KIAA1217: variants seen among roughly 807,000 people sequenced by gnomAD.
KIAA1217 encodes the protein KIAA1217.
A neutral mutation model predicts 163.9 loss-of-function variants in KIAA1217; 88 were observed. The observed-to-expected ratio is 0.54, with a 90% CI of 0.45 to 0.64. KIAA1217 has a LOEUF of 0.64. Ranked by LOEUF, KIAA1217 falls within the 30% of genes least tolerant of loss-of-function variation. The pLI is 0.00. For missense variants in KIAA1217, 2,372 were observed against 2,475.0 expected, an observed-to-expected ratio of 0.96 and a Z score of 0.88; for synonymous variants, 903 against 923.1, an observed-to-expected ratio of 0.98 and a Z score of 0.39.
intron 1 of KIAA1217, among the ~76,000 whole-genome samples, chr10:23,999,328 T>C (rs1231860038): frequency 6.6e-6 from 1 of 152,142 alleles, no homozygotes; most frequent in Non-Finnish European, 1.5e-5. Context: ...ACTCACTGAC[T>C]CTTGAGTAGC....
chr10:23,922,730 C>T (rs180721960), intron 1 of KIAA1217, among the ~76,000 whole-genome samples: 1 of 152,178 alleles, frequency 6.6e-6, no homozygotes, highest in African/African-American at 2.4e-5. Flanking sequence ...GAGTGGAGAA[C>T]ATTAGAATTC....
rs866451330 is a variant in KIAA1217, at chr10:23,928,970, C to T, written c.-320-78255C>T. Among the ~76,000 whole-genome samples, 8 of 152,050 alleles carry T rather than the reference C, an allele frequency of 5.3e-5. 1 individual carries two copies. The highest frequency in any genetic ancestry group is 2.0e-4 in the Admixed American group (3 of 15,260). ...GTCAACTATGCAAAGGTCTAGACAA[C>T]GAACTGTAAGGGCAGAGGTTCCAGC... On this transcript the variant is annotated intron_variant, in intron 1 of 18. Transcript: ENST00000376462.
chr10:23,726,687 G>T (rs1164840235), intron 1 of KIAA1217, among the ~76,000 whole-genome samples: 3 of 151,918 alleles, frequency 2.0e-5, no homozygotes, highest in African/African-American at 7.2e-5. Flanking sequence ...AATCTACAAA[G>T]AACTCAAATT....
chr10:23,874,890 C>A (rs1486633411), intron 1 of KIAA1217, among the ~76,000 whole-genome samples: 1 of 151,930 alleles, frequency 6.6e-6, no homozygotes, highest in Non-Finnish European at 1.5e-5. Flanking sequence ...GTTTATTTTG[C>A]AGTTTGTCAG....
At chr10:23,969,591 C>A (rs1465577261) in intron 1 of KIAA1217, among the ~76,000 whole-genome samples, 1 of 152,066 alleles carries the variant, frequency 6.6e-6, no homozygotes, top group Admixed American at 6.5e-5. Context: ...TTTGGAGAAA[C>A]GTCTATTCAG....
Position 23,704,204 on chromosome 10 carries a change from A to G in KIAA1217, c.-321+8970A>G, listed in dbSNP as rs1398616804. On this transcript the variant is annotated intron_variant, in intron 1 of 18. Transcript: ENST00000376462. ...TATATATATATATATATATATATAT[A>G]TATATATAGTGAGCTCAGTGGTAAA... 3.4e-4 allele frequency among the ~76,000 whole-genome samples: 44 copies of G among 128,964 alleles called. 2 individuals carry two copies. The highest frequency in any genetic ancestry group is 9.8e-5 in the Non-Finnish European group (6 of 61,378). 84.6% of individuals were successfully genotyped at this position (128,964 alleles called of 152,430 possible). A position where few individuals can be genotyped will look rare whatever the true frequency, so the allele number is the denominator to read the frequency against.
chr10:24,087,731 G>A (rs1039082907), intron 2 of KIAA1217, among the ~76,000 whole-genome samples: 1 of 152,212 alleles, frequency 6.6e-6, no homozygotes, highest in East Asian at 1.9e-4. Flanking sequence ...GCATATGACT[G>A]CAATGAGATG....
At chr10:23,908,264 A>G (rs1213722696) in intron 1 of KIAA1217, among the ~76,000 whole-genome samples, 1 of 151,674 alleles carries the variant, frequency 6.6e-6, no homozygotes, top group Non-Finnish European at 1.5e-5. Flanking sequence ...TGGATGGAAG[A>G]GTCTATGGAT....
chr10:23,789,983 A>C (rs1052277195), intron 1 of KIAA1217, among the ~76,000 whole-genome samples: 1 of 128,690 alleles, frequency 7.8e-6, no homozygotes, highest in African/African-American at 3.3e-5. Context: ...ACATATATAC[A>C]CATATACATA....
At chr10:24,148,555 C>T (rs1029100332) in intron 2 of KIAA1217, among the ~76,000 whole-genome samples, 2 of 152,020 alleles carry the variant, frequency 1.3e-5, no homozygotes, top group East Asian at 1.9e-4. Context: ...TGTAAGTTCC[C>T]GCAAGAGTTG....
chr10:24,383,823 C>A (rs1349047126), intron 3 of KIAA1217, among the ~76,000 whole-genome samples: 1 of 152,210 alleles, frequency 6.6e-6, no homozygotes, highest in Non-Finnish European at 1.5e-5. Context: ...AATGTCCCCC[C>A]AGCCGCACCT....
At chr10:24,514,200 C>T (rs1004294427) in intron 10 of KIAA1217, among the ~76,000 whole-genome samples, 1 of 152,160 alleles carries the variant, frequency 6.6e-6, no homozygotes, top group African/African-American at 2.4e-5. Flanking sequence ...ATAGAACTAT[C>T]TCACCTTTTA....
intron 3 of KIAA1217, among the ~76,000 whole-genome samples, chr10:24,397,341 G>A (rs946313242): frequency 3.3e-5 from 5 of 152,114 alleles, no homozygotes; most frequent in African/African-American, 1.2e-4. Flanking sequence ...ACCCGGCTTG[G>A]CCTCCCAAAG....
chr10:24,114,367 CA>C (rs796806505), intron 2 of KIAA1217, among the ~76,000 whole-genome samples: 215 of 148,396 alleles, frequency 1.4e-3, no homozygotes, highest in African/African-American at 3.9e-3. Context: ...GAAACAATTC[CA>C]AAAAAAAAAT....
At chr10:24,411,882 C>T (rs921864858) in intron 3 of KIAA1217, among the ~76,000 whole-genome samples, 6 of 151,732 alleles carry the variant, frequency 4.0e-5, no homozygotes, top group East Asian at 3.9e-4. Context: ...AGACTAGATA[C>T]GATCAGTAGG....
chr10:24,379,185 G>A (rs2052957429), intron 2 of KIAA1217, among the ~76,000 whole-genome samples: 1 of 152,172 alleles, frequency 6.6e-6, no homozygotes, highest in Admixed American at 6.5e-5. Flanking sequence ...AGCACAGTAA[G>A]GAGGAAGCTA....
intron 1 of KIAA1217, among the ~76,000 whole-genome samples, chr10:23,978,967 G>C (rs1845652725): frequency 6.6e-6 from 1 of 152,018 alleles, no homozygotes. Context: ...ATTCCTACTT[G>C]CATGTCACCT....
chr10:24,206,804 T>G (rs980446830), upstream of KIAA1217, among the ~76,000 whole-genome samples: 20 of 152,278 alleles, frequency 1.3e-4, no homozygotes, highest in Admixed American at 1.0e-3. Flanking sequence ...GAGAGGGCAG[T>G]GGGCTTGGCC....
chr10:23,805,996 C>CAAAAAAAAAAAAAAAAAAAAAAA (rs71397917), intron 1 of KIAA1217, among the ~76,000 whole-genome samples: 116 of 30,494 alleles, frequency 3.8e-3, no homozygotes, highest in South Asian at 0.014. Context: ...AACTCCATCT[C>CAAAAAAAAAAAAAAAAAAAAAAA]AAAAAAAAAA....
Sources: allele counts gnomAD v4.1 joint callset (sites outside exome capture counted in the v4.1 genomes callset), GRCh38; gene constraint gnomAD v4.1.1; transcripts MANE v1.5; gene names NCBI Gene and HGNC (gene_info 2026-07-23, HGNC 2026-07-21).